METTL13: variants seen among roughly 807,000 people sequenced by gnomAD.
METTL13 encodes the protein methyltransferase 13, eEF1A N-terminus and K55.
Under a neutral mutation model 67.4 loss-of-function variants are expected in METTL13, and 52 were observed. The observed-to-expected ratio is 0.77, with a 90% CI of 0.62 to 0.97. The LOEUF is 0.97. METTL13 is among the 50% of genes least tolerant of loss of function. The probability of loss-of-function intolerance (pLI) is 0.00; values close to 1 mark genes in which losing one functional copy is unlikely to be tolerated. For synonymous variants in METTL13, 354 were observed against 353.6 expected, an observed-to-expected ratio of 1.00 and a Z score of -0.01; for missense variants, 825 against 889.6, an observed-to-expected ratio of 0.93 and a Z score of 0.92.
intron 6 of METTL13, among the ~76,000 whole-genome samples, chr1:171,793,752 T>C (rs1466165671): frequency 6.6e-6 from 1 of 152,226 alleles, no homozygotes; most frequent in East Asian, 1.9e-4. Context: ...CTTTCTTGAG[T>C]CAGCTCTTGT....
At chr1:171,792,288 T>C in intron 6 of METTL13, 53 bp downstream of exon 6, 2 of 1,600,952 alleles carry the variant, frequency 1.2e-6, no homozygotes, top group Non-Finnish European at 1.7e-6. Flanking sequence ...GATGCGACAT[T>C]GTCAGGCCCG....
At chr1:171,791,692 GA>G (rs1335958668) in intron 5 of METTL13, among the ~76,000 whole-genome samples, 4 of 152,088 alleles carry the variant, frequency 2.6e-5, no homozygotes, top group African/African-American at 9.7e-5. Context: ...TCGAACTCCT[GA>G]GCTCAAGTAA....
In METTL13 at chr1:171,792,133, G is replaced by GA; in HGVS notation, c.1593dup (p.Val532SerfsTer12). On this transcript the variant is annotated frameshift_variant, in exon 6 of 8. Transcript: ENST00000361735. LOFTEE classifies it high-confidence loss of function. The stretch of plus-strand genomic sequence containing the variant: ...TGTGGAGATCGATCCCTCCATGTTG[G>GA]AAGTGGCCACCCAGTGGTTTGGCTT... 1 of 1,614,100 alleles carries GA rather than the reference G, an allele frequency of 6.2e-7. No homozygotes were observed. The highest frequency in any genetic ancestry group is 1.3e-5 in the African/African-American group (1 of 75,022).
At chr1:171,782,937 A>G (rs1052865707) in intron 1 of METTL13, among the ~76,000 whole-genome samples, 2 of 152,138 alleles carry the variant, frequency 1.3e-5, no homozygotes, top group South Asian at 4.1e-4. Context: ...GGGAAGCTTT[A>G]TGTGCCAAGC....
Position 171,797,424 on chromosome 1 carries a change from C to T in METTL13, c.*668C>T, listed in dbSNP as rs1045456. On this transcript the variant is annotated 3_prime_UTR_variant, in exon 8 of 8. Transcript: ENST00000361735. ...CCCCATGGCTTTGCATGTTAGAGAC[C>T]TGGCAGACTAAAGTCTCTAGTGTTT... 0.19 allele frequency: 29,051 copies of T among 152,236 alleles called. 2,920 individuals carry two copies. Among genetic ancestry groups the T allele is most frequent in the African/African-American group, 0.23 (9,364 of 41,484 alleles). 9.4% of individuals were successfully genotyped at this position (152,236 alleles called of 1,614,324 possible). A position where few individuals can be genotyped will look rare whatever the true frequency, so the allele number is the denominator to read the frequency against.
At chr1:171,794,270 C>A (rs1657295235) in intron 6 of METTL13, 126 bp from the exon 7 acceptor site, 10 of 1,393,640 alleles carry the variant, frequency 7.2e-6, no homozygotes, top group Non-Finnish European at 9.8e-6. Flanking sequence ...CAAACCACAT[C>A]CTCTGTGTCA....
intron 5 of METTL13, 74 bp downstream of exon 5, chr1:171,790,690 A>C: frequency 1.5e-6 from 2 of 1,352,364 alleles, no homozygotes; most frequent in Non-Finnish European, 1.9e-6. Flanking sequence ...TGTCACTTGC[A>C]TTGTAGTTGA....
Position 171,781,717 on chromosome 1 carries a change from C to T in METTL13, c.-251C>T. Reference sequence around the variant, plus strand: ...TTCGGGAAAAGTGTGAGGGGCTCTTCACGTGGGGAAGGAACAGCAGGCGCG... The same window carrying T: ...TTCGGGAAAAGTGTGAGGGGCTCTTTACGTGGGGAAGGAACAGCAGGCGCG... On this transcript the variant is annotated 5_prime_UTR_variant, in exon 1 of 8. Coordinates refer to ENST00000361735, the MANE Select transcript of METTL13 (RefSeq NM_015935.5). 2 of 1,249,714 alleles carry T rather than the reference C, an allele frequency of 1.6e-6. No homozygotes were observed. Among genetic ancestry groups the T allele is most frequent in the Non-Finnish European group, 2.1e-6 (2 of 972,536 alleles). The allele number at this position is 1,249,714 out of a possible 1,614,324, so 77.4% of individuals were successfully genotyped here.
In METTL13 at chr1:171,785,948, C is replaced by T; in HGVS notation, c.983C>T (p.Ala328Val). The change falls in exon 3 of 8, where the codon GCT becomes GTT. Residue 328 changes from alanine to valine, a missense_variant. Transcript: ENST00000361735. ...GGCCGGAAACAGCTGGCGGCCAGTG[C>T]TGGCTTCAGGAGGTTGATTACAGTG... ...DEGRKQLAAS[A>V]GFRRLITVAL... 3 of 1,613,906 alleles carry T rather than the reference C, an allele frequency of 1.9e-6. No homozygotes were observed. Among genetic ancestry groups the T allele is most frequent in the Middle Eastern group, 3.4e-4 (2 of 5,938 alleles).
chr1:171,794,326 A>G (rs1657296550), intron 6 of METTL13, 70 bp from the exon 7 acceptor site: 2 of 1,598,142 alleles, frequency 1.3e-6, no homozygotes, highest in Non-Finnish European at 1.7e-6. Context: ...AAGAGGAGGT[A>G]TAGTGTTGGA....
intron 1 of METTL13, among the ~76,000 whole-genome samples, 184 bp downstream of exon 1, chr1:171,782,304 C>T (rs906912376): frequency 6.6e-6 from 1 of 152,106 alleles, no homozygotes; most frequent in African/African-American, 2.4e-5. Context: ...GGCGCAGTGG[C>T]TCACACCTGT....
In METTL13 at chr1:171,781,971, A is replaced by T. The variant is rs1656836269; in HGVS notation, c.4A>T (p.Asn2Tyr). M[N>Y]LLPKSSREFG... The stretch of plus-strand genomic sequence containing the variant: ...ACGCAGCTTCGGCAGTAGGAACATG[A>T]ACCTCTTACCTAAAAGTTCCAGGGA... The change falls in exon 1 of 8, where the codon AAC becomes TAC. Residue 2 changes from asparagine to tyrosine, a missense_variant. Physicochemically the swap from Asn to Tyr is moderately radical, Grantham distance 143. Transcript: ENST00000361735. 6.2e-7 allele frequency: 1 copy of T among 1,613,996 alleles called. No homozygotes were observed. The highest frequency in any genetic ancestry group is 8.5e-7 in the Non-Finnish European group (1 of 1,180,012).
In METTL13 at chr1:171,797,050, A is replaced by G. The variant is rs1453295823; in HGVS notation, c.*294A>G. The G allele has an allele frequency of 2.7e-5, 10 of 368,440 alleles. No homozygotes were observed. Among genetic ancestry groups the G allele is most frequent in the Non-Finnish European group, 4.6e-5 (9 of 197,532 alleles). The allele number at this position is 368,440 out of a possible 1,614,324, so 22.8% of individuals were successfully genotyped here. A position where few individuals can be genotyped will look rare whatever the true frequency, so the allele number is the denominator to read the frequency against. On this transcript the variant is annotated 3_prime_UTR_variant, in exon 8 of 8. Transcript: ENST00000361735. ...CCTAGCACACACTGCATGCCTTAAC[A>G]AGTGTGTGCAAGCCCCTCAGAACTC...
At chr1:171,783,702 T>G in intron 1 of METTL13, 38 bp from the exon 2 acceptor site, 3 of 1,568,070 alleles carry the variant, frequency 1.9e-6, no homozygotes, top group Non-Finnish European at 2.6e-6. Flanking sequence ...GTCCTTTGCT[T>G]TGATTACCTC....
At chr1:171,787,655 C>A in intron 3 of METTL13, 80 bp from the exon 4 acceptor site, 2 of 1,350,334 alleles carry the variant, frequency 1.5e-6, no homozygotes, top group Non-Finnish European at 2.0e-6. Flanking sequence ...GATATATACA[C>A]ACAAAAGGGA....
intron 1 of METTL13, 51 bp from the exon 2 acceptor site, chr1:171,783,689 A>T (rs1013426052): frequency 9.0e-6 from 14 of 1,551,784 alleles, no homozygotes; most frequent in Non-Finnish European, 1.2e-5. Flanking sequence ...TACCTGAAGT[A>T]CAGTCCTTTG....
intron 5 of METTL13, 33 bp downstream of exon 5, chr1:171,790,649 G>A: frequency 4.1e-6 from 6 of 1,468,970 alleles, no homozygotes; most frequent in Non-Finnish European, 5.4e-6. Flanking sequence ...CCACAGAAGG[G>A]AGCATAAAGA....
chr1:171,782,435 G>T (rs1206269853), intron 1 of METTL13, among the ~76,000 whole-genome samples: 1 of 151,908 alleles, frequency 6.6e-6, no homozygotes. Context: ...GGGCGTGGTG[G>T]CGCGCATCTG....
chr1:171,787,429 T>C (rs766374885), intron 3 of METTL13, among the ~76,000 whole-genome samples: 3 of 152,098 alleles, frequency 2.0e-5, no homozygotes, highest in Non-Finnish European at 4.4e-5. Context: ...TCCTGGACTA[T>C]TGAGAGTTCT....
Sources: allele counts gnomAD v4.1 joint callset (sites outside exome capture counted in the v4.1 genomes callset), GRCh38; gene constraint gnomAD v4.1.1; transcripts MANE v1.5; gene names NCBI Gene and HGNC (gene_info 2026-07-23, HGNC 2026-07-21).